Variants in LUZP1 observed in about 807,000 individuals in gnomAD.
The protein encoded by LUZP1 is leucine zipper protein 1.
Under a neutral mutation model 71.3 loss-of-function variants are expected in LUZP1, and 25 were observed. The ratio of observed to expected loss-of-function variants is 0.35; its 90% CI spans 0.26 to 0.49. The LOEUF (loss-of-function observed/expected upper bound fraction) is 0.49, where lower values mean the gene tolerates loss of function less well. Ranked by LOEUF, LUZP1 falls within the 20% of genes least tolerant of loss-of-function variation. LUZP1 has a pLI of 0.99. For missense variants in LUZP1, 1,142 were observed against 1,300.8 expected (o/e 0.88, Z 1.88); for synonymous variants, 481 against 506.4 (o/e 0.95, Z 0.67).
chr1:23,174,121 G>A (rs922362612), intron 1 of LUZP1, among the ~76,000 whole-genome samples: 1 of 152,106 alleles, frequency 6.6e-6, no homozygotes, highest in South Asian at 2.1e-4. Flanking sequence ...CCCACAATCT[G>A]CCTTTTGCAA....
chr1:23,096,367 A>C (rs1045675970), intron 3 of LUZP1, among the ~76,000 whole-genome samples: 8 of 152,194 alleles, frequency 5.3e-5, no homozygotes, highest in Admixed American at 2.0e-4. Context: ...AAGGTCCAAA[A>C]CAAGGAAGTT....
At chr1:23,083,677 T>G (rs1643691012), downstream of LUZP1, 1 of 203,420 alleles carries the variant, frequency 4.9e-6, no homozygotes. Flanking sequence ...GAATAAAACT[T>G]CATATAAAAT....
chr1:23,125,731 A>C (rs1261778699), intron 2 of LUZP1, among the ~76,000 whole-genome samples: 1 of 152,210 alleles, frequency 6.6e-6, no homozygotes, highest in East Asian at 1.9e-4. Context: ...TGGAGGACAC[A>C]GTATATCAGA....
At chr1:23,138,876 T>C (rs1055851510) in intron 2 of LUZP1, among the ~76,000 whole-genome samples, 14 of 149,282 alleles carry the variant, frequency 9.4e-5, no homozygotes, top group Admixed American at 2.7e-4. Flanking sequence ...CACGTGCCTA[T>C]AGTCCCAGCT....
intron 2 of LUZP1, among the ~76,000 whole-genome samples, chr1:23,167,107 A>G (rs527831312): frequency 2.0e-5 from 3 of 152,286 alleles, no homozygotes; most frequent in Admixed American, 6.5e-5. Context: ...AGAATTTTCT[A>G]TGGGGGTAAT....
chr1:23,091,990 G>C lies in LUZP1; in HGVS notation c.2272C>G (p.Pro758Ala), dbSNP rs756802957. ...TTCACATCCTTATCAACAATAACAG[G>C]TTTGATGATGGCTCTAGACCGCAAC... Residue 758 changes from proline to alanine, a missense_variant, in exon 4 of 5, where the codon CCT becomes GCT. By Grantham distance (27) the Pro-to-Ala change is conservative (BLOSUM62 -1). Transcript: ENST00000302291. 1.9e-6 allele frequency: 3 copies of C among 1,614,022 alleles called. No homozygotes were observed. In the Admixed American group the frequency reaches 5.0e-5, roughly 27 times the overall value.
intron 2 of LUZP1, among the ~76,000 whole-genome samples, chr1:23,143,700 A>G (rs927618142): frequency 1.3e-5 from 2 of 152,230 alleles, no homozygotes; most frequent in African/African-American, 4.8e-5. Flanking sequence ...TAGAAACTCA[A>G]CTTCAGAAAG....
At chr1:23,110,844 G>A (rs936582566) in intron 2 of LUZP1, among the ~76,000 whole-genome samples, 2 of 152,088 alleles carry the variant, frequency 1.3e-5, no homozygotes, top group South Asian at 2.1e-4. Flanking sequence ...TGTCACCCAG[G>A]CTGGTCTGAA....
chr1:23,134,757 T>A (rs1387934632), intron 2 of LUZP1, among the ~76,000 whole-genome samples: 1 of 152,048 alleles, frequency 6.6e-6, no homozygotes. Context: ...TACTCCAGCC[T>A]GGGGGACGGT....
chr1:23,086,367 C>G (rs1643766881), exon 5 of LUZP1: 1 of 152,646 alleles, frequency 6.6e-6, no homozygotes, highest in South Asian at 2.1e-4. Flanking sequence ...ACAAGCAAAT[C>G]CTATTGCACT....
intron 3 of LUZP1, among the ~76,000 whole-genome samples, chr1:23,104,383 T>C (rs1643962798): frequency 6.6e-6 from 1 of 151,868 alleles, no homozygotes; most frequent in South Asian, 2.1e-4. Context: ...CAGGTTTCAC[T>C]ATGTTGCCAA....
At chr1:23,087,597 G>C (rs1280229753) in exon 5 of LUZP1, 1 of 152,638 alleles carries the variant, frequency 6.6e-6, no homozygotes, top group African/African-American at 2.4e-5. Flanking sequence ...ACTTCATAAA[G>C]GTAGCCTTTG....
chr1:23,125,617 G>A (rs77678253), intron 2 of LUZP1, among the ~76,000 whole-genome samples: 1,714 of 152,268 alleles, frequency 0.011, 40 homozygotes, highest in African/African-American at 0.038. Flanking sequence ...TCCATTCAGA[G>A]GCTGCCTCTT....
At chr1:23,165,680 A>T (rs1414746907) in intron 2 of LUZP1, among the ~76,000 whole-genome samples, 1 of 152,212 alleles carries the variant, frequency 6.6e-6, no homozygotes, top group African/African-American at 2.4e-5. Context: ...ACATTCATTC[A>T]TTCACTCATC....
intron 2 of LUZP1, among the ~76,000 whole-genome samples, chr1:23,114,621 A>G (rs1300135649): frequency 6.6e-6 from 1 of 152,180 alleles, no homozygotes; most frequent in Non-Finnish European, 1.5e-5. Context: ...AGACATGTCA[A>G]TTTCTTTAAG....
chr1:23,130,831 C>T (rs937648365), intron 2 of LUZP1, among the ~76,000 whole-genome samples: 4 of 152,098 alleles, frequency 2.6e-5, no homozygotes, highest in Non-Finnish European at 5.9e-5. Flanking sequence ...TCATATTCTA[C>T]CATTCTCTCT....
Position 23,093,054 on chromosome 1 carries a change from C to A in LUZP1, c.1208G>T (p.Arg403Leu), listed in dbSNP as rs765769791. Residue 403 changes from arginine (R) to leucine (L), a missense_variant, in exon 4 of 5, where the codon CGG becomes CTG. Transcript: ENST00000302291. The surrounding 1 kb of genome is among the most constrained non-coding windows in gnomAD (Gnocchi z 4.2). ...ATTGTTGAGAGCAAACTCCCTGTTC[C>A]GGAGTCGTTCCCGCTTATGCTGAGG... The A allele has an allele frequency of 1.2e-6, 2 of 1,614,120 alleles. No individual in the cohort carries two copies. Among genetic ancestry groups the A allele is most frequent in the African/African-American group, 1.3e-5 (1 of 75,048 alleles).
At chr1:23,084,732 T>TC (rs55980984) in exon 5 of LUZP1, 114,099 of 151,802 alleles carry the variant, frequency 0.75, 43,663 homozygotes, top group Non-Finnish European at 0.83. Context: ...AGAAGGCTTT[T>TC]CCCCCCCTAG....
At chr1:23,147,628 A>AAT (rs1644354204) in intron 2 of LUZP1, among the ~76,000 whole-genome samples, 2 of 151,340 alleles carry the variant, frequency 1.3e-5, no homozygotes, top group African/African-American at 4.8e-5. Flanking sequence ...AAAAAAAAAA[A>AAT]AAAAAAAAAT....
Sources: allele counts gnomAD v4.1 joint callset (sites outside exome capture counted in the v4.1 genomes callset), GRCh38; gene constraint gnomAD v4.1.1; non-coding constraint Gnocchi (gnomAD v3.1); transcripts MANE v1.5; gene names NCBI Gene and HGNC (gene_info 2026-07-23, HGNC 2026-07-21).